CPZ: variants seen among roughly 807,000 people sequenced by gnomAD.
CPZ encodes carboxypeptidase Z.
Under a neutral mutation model 61.8 loss-of-function variants are expected in CPZ, and 103 were observed. The ratio of observed to expected loss-of-function variants is 1.67; its 90% CI spans 1.42 to 1.96. The LOEUF (loss-of-function observed/expected upper bound fraction) is 1.96. Ranked by LOEUF, CPZ falls within the 30% of genes most tolerant of loss-of-function variation. The pLI is 0.00. For missense variants in CPZ, 1,461 were observed against 914.9 expected, an observed-to-expected ratio of 1.60 and a Z score of -7.70; for synonymous variants, 551 against 373.7, an observed-to-expected ratio of 1.47 and a Z score of -5.47.
At chr4:8,605,627 A>C (rs1441061854) in intron 4 of CPZ, among the ~76,000 whole-genome samples, 4 of 118,556 alleles carry the variant, frequency 3.4e-5, no homozygotes, top group Admixed American at 1.5e-4. Context: ...TCCATCCATC[A>C]TTGATATATC....
At chr4:8,603,671 A>G in intron 3 of CPZ, 1 of 461,574 alleles carries the variant, frequency 2.2e-6, no homozygotes, top group Non-Finnish European at 3.9e-6. Flanking sequence ...CCAGGACCCC[A>G]TATATCTGTC....
chr4:8,595,207 T>G (rs1714084916), intron 1 of CPZ, among the ~76,000 whole-genome samples: 1 of 152,246 alleles, frequency 6.6e-6, no homozygotes, highest in Non-Finnish European at 1.5e-5. Flanking sequence ...TCGCACACAT[T>G]GGTTTGATCT....
intron 9 of CPZ, among the ~76,000 whole-genome samples, chr4:8,615,569 G>A (rs1049435407): frequency 2.0e-5 from 3 of 152,238 alleles, no homozygotes; most frequent in Non-Finnish European, 4.4e-5. Flanking sequence ...CAGGGCAGCC[G>A]GTTCTGACAC....
intron 7 of CPZ, among the ~76,000 whole-genome samples, chr4:8,607,767 C>T (rs376573767): frequency 7.2e-5 from 11 of 152,286 alleles, no homozygotes; most frequent in African/African-American, 9.6e-5. Context: ...TGCTTCCCAC[C>T]GCAGAGGGGT....
intron 5 of CPZ, 91 bp downstream of exon 5, chr4:8,606,276 C>G (rs1309776923): frequency 7.9e-7 from 1 of 1,271,920 alleles, no homozygotes; most frequent in East Asian, 2.5e-5. Context: ...AGCAGTGCTT[C>G]GTTCCTGCCT....
In CPZ at chr4:8,612,133, A is replaced by G. The variant is rs753450192; in HGVS notation, c.1334A>G (p.Asn445Ser). The G allele has an allele frequency of 3.3e-6, 5 of 1,499,942 alleles. No individual in the cohort carries two copies. The highest frequency in any genetic ancestry group is 5.4e-5 in the East Asian group (2 of 37,086). The allele number at this position is 1,499,942 out of a possible 1,614,324, so 92.9% of individuals were successfully genotyped here. A position where few individuals can be genotyped will look rare whatever the true frequency, so the allele number is the denominator to read the frequency against. The change falls in exon 8 of 11, where the codon AAC (asparagine) becomes AGC (serine). Residue 445 changes from asparagine to serine, a missense_variant. By Grantham distance (46) the Asn-to-Ser change is conservative. Transcript: ENST00000360986. ...GNFLKRGSII[N>S]GADWYSFTGG... ...TTCCTGAAGAGGGGGAGCATCATCA[A>G]CGGGGCGGACTGGTACAGCTTCACG...
rs1457039018 is a variant in CPZ at position 8,612,287 on chromosome 4, G to A, written c.1363+125G>A. 4.9e-6 allele frequency: 4 copies of A among 808,442 alleles called. No homozygotes were observed. In the East Asian group the frequency reaches 8.7e-5, roughly 18 times the overall value. 50.1% of individuals were successfully genotyped at this position (808,442 alleles called of 1,614,324 possible). On this transcript the variant is annotated intron_variant, in intron 8 of 10. Coordinates refer to ENST00000360986, the MANE Select transcript of CPZ (RefSeq NM_001014447.3). ...AGCTGGAGAGCCCGGAAGACAGGGC[G>A]ATGCCTCACCTGGTGGAGAGGAGGC...
At position 8,614,375 on chromosome 4, in the gene CPZ, C is replaced by T; in HGVS notation, c.1380C>T (p.Asn460=). 1 of 1,613,698 alleles carries T rather than the reference C, an allele frequency of 6.2e-7. No individual in the cohort carries two copies. The highest frequency in any genetic ancestry group is 8.5e-7 in the Non-Finnish European group (1 of 1,179,784). ...GTGCCACAGGCATGTCCGATTTCAA[C>T]TACCTGCACACCAACTGCTTTGAGA... ...YSFTGGMSDF[N]YLHTNCFEIT... is the part of the protein sequence containing the mutation. Residue 460 remains asparagine, a synonymous_variant, in exon 9 of 11, where the codon AAC becomes AAT. Coordinates refer to ENST00000360986, the MANE Select transcript of CPZ (RefSeq NM_001014447.3).
intron 8 of CPZ, among the ~76,000 whole-genome samples, chr4:8,613,364 T>A (rs1715878185): frequency 6.6e-6 from 1 of 152,186 alleles, no homozygotes; most frequent in African/African-American, 2.4e-5. Context: ...TCTCCTGACC[T>A]CGTGATCCGC....
At position 8,601,463 on chromosome 4, in the gene CPZ, C is replaced by T. The variant is rs186014353; in HGVS notation, c.462C>T (p.Asp154=). The T allele has an allele frequency of 1.4e-3, 2,157 of 1,520,010 alleles. 32 individuals carry two copies. The African/African-American group carries it at 0.024, about 17-fold the overall frequency. The allele number at this position is 1,520,010 out of a possible 1,614,324, so 94.2% of individuals were successfully genotyped here. The change falls in exon 3 of 11, where the codon GAC becomes GAT. Residue 154 remains aspartate, a synonymous_variant. Transcript: ENST00000360986. ...LDCHRYFTRE[D]EGCYDPLEKL... ...GCCACCGCTACTTCACGAGAGAGGA[C>T]GAGGGCTGCTATGACCCGCTGGAGA... is the stretch of plus-strand genomic sequence containing the variant.
chr4:8,612,205 G>GGGGGGGGGGGGGGGGGGGGGGC, intron 8 of CPZ, 43 bp downstream of exon 8: 3 of 202,856 alleles, frequency 1.5e-5, no homozygotes, highest in East Asian at 1.2e-4. Context: ...GGTGGGGGGT[G>GGGGGGGGGGGGGGGGGGGGGGC]CAGGGGCTGG....
intron 7 of CPZ, among the ~76,000 whole-genome samples, chr4:8,609,073 C>CAATTT (rs1715322837): frequency 2.1e-5 from 1 of 47,816 alleles, no homozygotes; most frequent in African/African-American, 9.2e-5. Context: ...CCTCACTCAC[C>CAATTT]ACTCATACAT....
In CPZ at chr4:8,601,109, C is replaced by T; in HGVS notation, c.122-14C>T. On this transcript the variant is annotated splice_polypyrimidine_tract_variant and intron_variant, in intron 2 of 10. Coordinates refer to ENST00000360986, the MANE Select transcript of CPZ (RefSeq NM_001014447.3). ...ACTGCAGGAGGGACTGACCTGCCGA[C>T]CCTGCCTCCCCAGCCACCTGCGTGG... 4 of 1,557,030 alleles carry T rather than the reference C, an allele frequency of 2.6e-6. No individual in the cohort carries two copies. Among genetic ancestry groups the T allele is most frequent in the African/African-American group, 1.3e-5 (1 of 74,146 alleles).
At chr4:8,596,513 C>A (rs184221508) in intron 1 of CPZ, among the ~76,000 whole-genome samples, 1 of 152,256 alleles carries the variant, frequency 6.6e-6, no homozygotes, top group African/African-American at 2.4e-5. Context: ...GGCTGCATGG[C>A]TTATTGTGGG....
At chr4:8,598,121 C>G (rs893300868) in intron 1 of CPZ, among the ~76,000 whole-genome samples, 1 of 152,238 alleles carries the variant, frequency 6.6e-6, no homozygotes, top group Non-Finnish European at 1.5e-5. Flanking sequence ...CTTTTGTCAT[C>G]TGTGATGAGG....
rs1713873363 is a variant in CPZ, at chr4:8,592,774, G to GCC, written c.-57_-56dup. The GCC allele has an allele frequency of 2.4e-6, 3 of 1,236,500 alleles. No homozygotes were observed. Among genetic ancestry groups the GCC allele is most frequent in the African/African-American group, 1.6e-5 (1 of 63,388 alleles). 76.6% of individuals were successfully genotyped at this position (1,236,500 alleles called of 1,614,324 possible). ...GGAGCCCAGCGAGCGCAGAGCCCCG[G>GCC]CCCCGCGCGGCCCGAGTGCCACATC... On this transcript the variant is annotated 5_prime_UTR_variant, in exon 1 of 11. Coordinates refer to ENST00000360986, the MANE Select transcript of CPZ (RefSeq NM_001014447.3).
At chr4:8,608,832 G>A (rs1715277832) in intron 7 of CPZ, among the ~76,000 whole-genome samples, 1 of 152,168 alleles carries the variant, frequency 6.6e-6, no homozygotes. Flanking sequence ...CAGAGACCAA[G>A]GGGAGCCCCA....
At position 8,618,262 on chromosome 4, in the gene CPZ, G is replaced by A. The variant is rs1016579721; in HGVS notation, c.1504-167G>A. ...GAAACTGAGGCCCAGAGAGGGGAGT[G>A]ACTGACTCGTTAAAGATGGCAGAGC... On this transcript the variant is annotated intron_variant, in intron 9 of 10. Coordinates refer to ENST00000360986, the MANE Select transcript of CPZ (RefSeq NM_001014447.3). 3.0e-5 allele frequency: 19 copies of A among 624,262 alleles called. No homozygotes were observed. The African/African-American group carries it at 3.5e-4, about 11-fold the overall frequency. 38.7% of individuals were successfully genotyped at this position (624,262 alleles called of 1,614,324 possible).
chr4:8,617,277 A>G (rs1438819356), intron 9 of CPZ, among the ~76,000 whole-genome samples: 1 of 152,190 alleles, frequency 6.6e-6, no homozygotes, highest in East Asian at 1.9e-4. Flanking sequence ...AGCTGAGGAA[A>G]CTGAGGCACC....
Sources: allele counts gnomAD v4.1 joint callset (sites outside exome capture counted in the v4.1 genomes callset), GRCh38; gene constraint gnomAD v4.1.1; transcripts MANE v1.5; gene names NCBI Gene and HGNC (gene_info 2026-07-23, HGNC 2026-07-21).